The following LOC128092252 variants were observed in gnomAD, a reference collection of about 807,000 sequenced individuals.
At chr15:50,666,008 A>T in the LOC128092252 span, among the ~76,000 whole-genome samples, 459 of 152,040 alleles carry the variant, frequency 3.0e-3, 3 homozygotes, top group African/African-American at 7.9e-3. Flanking sequence ...ATAATAATTT[A>T]AAAAAAAGGC....
At chr15:50,672,319 G>A in the LOC128092252 span, among the ~76,000 whole-genome samples, 51 of 151,804 alleles carry the variant, frequency 3.4e-4, no homozygotes, top group Non-Finnish European at 6.5e-4. Context: ...GCCTCCCAAA[G>A]TGCTAGGATT....
chr15:50,668,338 A>T, the LOC128092252 span, among the ~76,000 whole-genome samples: 1 of 152,106 alleles, frequency 6.6e-6, no homozygotes, highest in Non-Finnish European at 1.5e-5. Context: ...AACGTCGCTG[A>T]TCCTTTATTT....
the LOC128092252 span, among the ~76,000 whole-genome samples, chr15:50,657,427 G>C: frequency 6.6e-6 from 1 of 152,260 alleles, no homozygotes; most frequent in Admixed American, 6.5e-5. Context: ...TAGAGTAACT[G>C]AAACTCTCAT....
chr15:50,681,981 C>G, the LOC128092252 span, among the ~76,000 whole-genome samples: 1 of 152,002 alleles, frequency 6.6e-6, no homozygotes, highest in East Asian at 1.9e-4. Context: ...AGTTCAAGAC[C>G]AGCCTGGCCA....
chr15:50,663,871 G>C, the LOC128092252 span, among the ~76,000 whole-genome samples: 5 of 152,188 alleles, frequency 3.3e-5, no homozygotes, highest in African/African-American at 1.2e-4. Context: ...TCTGAGGCAG[G>C]AGGATCGCCT....
At chr15:50,678,699 A>T in the LOC128092252 span, among the ~76,000 whole-genome samples, 1 of 152,074 alleles carries the variant, frequency 6.6e-6, no homozygotes, top group African/African-American at 2.4e-5. Flanking sequence ...AAAAGCATCT[A>T]TAATTCTGTA....
At chr15:50,651,764 C>T in the LOC128092252 span, among the ~76,000 whole-genome samples, 1 of 152,002 alleles carries the variant, frequency 6.6e-6, no homozygotes, top group South Asian at 2.1e-4. Context: ...GTGGCAGTCG[C>T]CTGTAATCCC....
At chr15:50,648,904 A>G in the LOC128092252 span, 1 of 1,572,960 alleles carries the variant, frequency 6.4e-7, no homozygotes, top group Non-Finnish European at 8.6e-7. Flanking sequence ...AAAAGGTGAG[A>G]TTAAAACACC....
the LOC128092252 span, among the ~76,000 whole-genome samples, chr15:50,653,999 G>A: frequency 1.3e-5 from 2 of 152,070 alleles, no homozygotes; most frequent in Non-Finnish European, 2.9e-5. Flanking sequence ...CACATCCTAG[G>A]ACTAAGTTCA....
chr15:50,661,677 T>C, the LOC128092252 span, among the ~76,000 whole-genome samples: 1 of 152,210 alleles, frequency 6.6e-6, no homozygotes, highest in Non-Finnish European at 1.5e-5. Context: ...GTAAAAACTG[T>C]CTATTTAGCT....
chr15:50,652,099 G>A, the LOC128092252 span, among the ~76,000 whole-genome samples: 5 of 151,450 alleles, frequency 3.3e-5, no homozygotes, highest in Non-Finnish European at 7.4e-5. Flanking sequence ...TCAGGGGGCC[G>A]AGGCGGGTGG....
the LOC128092252 span, among the ~76,000 whole-genome samples, chr15:50,674,268 C>A: frequency 2.0e-5 from 3 of 151,886 alleles, no homozygotes; most frequent in African/African-American, 7.3e-5. Context: ...GGATTACAGG[C>A]GTGAGCCACC....
chr15:50,686,545 G>T, the LOC128092252 span: 1 of 1,610,228 alleles, frequency 6.2e-7, no homozygotes, highest in Non-Finnish European at 8.5e-7. Flanking sequence ...CTCCTCACGG[G>T]GCGGACTCCG....
chr15:50,674,488 T>G, the LOC128092252 span, among the ~76,000 whole-genome samples: 1 of 152,180 alleles, frequency 6.6e-6, no homozygotes. Context: ...TTGTACTATG[T>G]ATCCCTTAAC....
the LOC128092252 span, among the ~76,000 whole-genome samples, chr15:50,673,324 G>C: frequency 6.6e-6 from 1 of 152,076 alleles, no homozygotes; most frequent in Admixed American, 6.6e-5. Context: ...AGTTACATAA[G>C]TTAGTTCTTT....
the LOC128092252 span, among the ~76,000 whole-genome samples, chr15:50,679,513 T>TATATATATAC: frequency 3.2e-5 from 2 of 61,878 alleles, no homozygotes; most frequent in African/African-American, 2.0e-4. Context: ...ATATATATAA[T>TATATATATAC]ATATATATAT....
chr15:50,679,538 A>AATATATATATATATATATATATTT, the LOC128092252 span, among the ~76,000 whole-genome samples: 4 of 43,904 alleles, frequency 9.1e-5, no homozygotes, highest in Admixed American at 3.3e-4. Flanking sequence ...ATATATATAT[A>AATATATATATATATATATATATTT]TTTTTTTTTT....
chr15:50,686,633 G>A, the LOC128092252 span: 1 of 1,520,118 alleles, frequency 6.6e-7, no homozygotes, highest in Non-Finnish European at 8.9e-7. Context: ...GGCGGCAGCA[G>A]AGGCCGCCGG....
At chr15:50,665,599 A>C in the LOC128092252 span, among the ~76,000 whole-genome samples, 1 of 152,206 alleles carries the variant, frequency 6.6e-6, no homozygotes, top group African/African-American at 2.4e-5. Flanking sequence ...AAATTCTTAG[A>C]AGTGAATAAT....
Sources: gnomAD v4.1 joint callset for allele counts (sites outside exome capture counted in the v4.1 genomes callset) on GRCh38, gnomAD v4.1.1 for gene constraint, MANE v1.5 for transcripts.